Variants in OTOA observed in about 807,000 individuals in gnomAD.
OTOA encodes the protein cancer/testis antigen 108.
A neutral mutation model predicts 110.8 loss-of-function variants in OTOA; 70 were observed. The ratio of observed to expected loss-of-function variants is 0.63; its 90% CI spans 0.52 to 0.77. OTOA has a LOEUF of 0.77. OTOA is among the 30% of genes least tolerant of loss of function. OTOA has a pLI of 0.00. For missense variants in OTOA, 917 were observed against 1,075.8 expected (o/e 0.85, Z 2.06); for synonymous variants, 373 against 431.5 (o/e 0.86, Z 1.68).
At chr16:21,733,668 G>C (rs1489387410) in intron 21 of OTOA, among the ~76,000 whole-genome samples, 5 of 150,534 alleles carry the variant, frequency 3.3e-5, no homozygotes, top group Non-Finnish European at 5.9e-5. Flanking sequence ...ATTCGTTCTA[G>C]ATGAGAAATG....
intron 5 of OTOA, 35 bp from the exon 6 acceptor site, chr16:21,681,703 C>A: frequency 6.4e-7 from 1 of 1,563,632 alleles, no homozygotes; most frequent in Non-Finnish European, 8.8e-7. Flanking sequence ...GAGAATCTGT[C>A]ATTGTGATCT....
chr16:21,685,147 C>G (rs946322290), intron 6 of OTOA, 83 bp from the exon 7 acceptor site: 8 of 1,564,846 alleles, frequency 5.1e-6, no homozygotes, highest in Non-Finnish European at 7.0e-6. Flanking sequence ...ATGAGGGGGC[C>G]GGGCTGGGCC....
chr16:21,736,567 A>G (rs1161819042), intron 22 of OTOA, among the ~76,000 whole-genome samples, 177 bp downstream of exon 22: 1 of 152,258 alleles, frequency 6.6e-6, no homozygotes, highest in Admixed American at 6.5e-5. Flanking sequence ...GCGGTTGCTC[A>G]AGCCTGTAAT....
At chr16:21,700,259 A>C (rs1200130784) in intron 10 of OTOA, among the ~76,000 whole-genome samples, 1 of 152,240 alleles carries the variant, frequency 6.6e-6, no homozygotes, top group East Asian at 1.9e-4. Flanking sequence ...TCTTCAAAGC[A>C]GAAAGTTTGT....
At chr16:21,717,101 G>C in intron 15 of OTOA, 54 bp downstream of exon 15, 1 of 1,604,490 alleles carries the variant, frequency 6.2e-7, no homozygotes, top group Non-Finnish European at 8.5e-7. Flanking sequence ...TGTCTTGTGA[G>C]AATGAATGGT....
At chr16:21,698,427 C>T (rs1897986873) in intron 10 of OTOA, among the ~76,000 whole-genome samples, 1 of 152,088 alleles carries the variant, frequency 6.6e-6, no homozygotes, top group African/African-American at 2.4e-5. Flanking sequence ...TGATGTTGAC[C>T]CAATGACACT....
intron 1 of OTOA, among the ~76,000 whole-genome samples, chr16:21,668,478 G>T (rs1277563626): frequency 2.7e-5 from 3 of 111,656 alleles, no homozygotes; most frequent in African/African-American, 7.5e-5. Context: ...TTTTTTTTTG[G>T]AGACAGAGTT....
At chr16:21,729,131 C>T (rs1168640498) in intron 20 of OTOA, among the ~76,000 whole-genome samples, 2 of 151,834 alleles carry the variant, frequency 1.3e-5, no homozygotes, top group African/African-American at 4.8e-5. Context: ...CCTCCCTGGG[C>T]TCAGGTGATC....
chr16:21,669,774 C>G (rs1966846674), intron 1 of OTOA, among the ~76,000 whole-genome samples: 1 of 152,168 alleles, frequency 6.6e-6, no homozygotes, highest in Non-Finnish European at 1.5e-5. Flanking sequence ...CCTGCTACAG[C>G]CATTGTTCCA....
chr16:21,685,141 G>C lies in OTOA; in HGVS notation c.268-89G>C, dbSNP rs1057497173. ...TAGTTGTGGTCTCTGCAGGGAATGA[G>C]GGGGCCGGGCTGGGCCGCTGGCCAT... On this transcript the variant is annotated intron_variant, in intron 6 of 28. Coordinates refer to ENST00000646100, the MANE Select transcript of OTOA (RefSeq NM_144672.4). 96 of 1,544,934 alleles carry C rather than the reference G, an allele frequency of 6.2e-5. No homozygotes were observed. In the Middle Eastern group the frequency reaches 2.1e-3, roughly 34 times the overall value.
Position 21,735,872 on chromosome 16 carries a change from G to A in OTOA, c.2302-389G>A, listed in dbSNP as rs1597856216. On this transcript the variant is annotated intron_variant, in intron 21 of 28. Coordinates refer to ENST00000646100, the MANE Select transcript of OTOA (RefSeq NM_144672.4). ...ACCTCCCAAAATGCTGGGATTACAG[G>A]TATGAGCCACCACACCTCGCCTAAC... is the stretch of plus-strand genomic sequence containing the variant. Among the ~76,000 whole-genome samples, 3 of 152,262 alleles carry A rather than the reference G, an allele frequency of 2.0e-5. No individual in the cohort carries two copies. The South Asian group carries it at 6.2e-4, about 32-fold the overall frequency.
chr16:21,695,896 T>A (rs1318354812), intron 9 of OTOA, among the ~76,000 whole-genome samples: 179 of 116,868 alleles, frequency 1.5e-3, no homozygotes, highest in East Asian at 0.012. Flanking sequence ...TATATATTTT[T>A]TTTTTTTTTT....
rs117553471 is a variant in OTOA, at chr16:21,678,904, C to A, written c.92-11C>A. The A allele has an allele frequency of 5.4e-3, 8,761 of 1,612,590 alleles. 292 individuals carry two copies. The East Asian group carries it at 0.068, about 13-fold the overall frequency. On this transcript the variant is annotated splice_polypyrimidine_tract_variant and intron_variant, in intron 2 of 28. Transcript: ENST00000646100. ...TCAATTCTAGTTATACATTCAATGG[C>A]TTTCTTACAGATTTGCATCCATTGT...
At position 21,678,534 on chromosome 16, in the gene OTOA, CAT is replaced by C. The variant is rs1223258366; in HGVS notation, c.22_23del (p.Tyr8LeufsTer59). ...AGGAGAATGTCTCAGGAACCTACGACATACTCCCTTTTCCTATTCCTTTTTCT... is the reference window on the plus strand; with the variant it reads ...AGGAGAATGTCTCAGGAACCTACGACACTCCCTTTTCCTATTCCTTTTTCT... On this transcript the variant is annotated frameshift_variant, in exon 2 of 29. Coordinates refer to ENST00000646100, the MANE Select transcript of OTOA (RefSeq NM_144672.4). LOFTEE classifies it high-confidence loss of function. The C allele has an allele frequency of 5.6e-6, 9 of 1,613,632 alleles. No individual in the cohort carries two copies. Among genetic ancestry groups the C allele is most frequent in the Non-Finnish European group, 6.8e-6 (8 of 1,179,908 alleles).
chr16:21,692,068 T>C (rs997061991), intron 9 of OTOA, among the ~76,000 whole-genome samples: 9 of 152,356 alleles, frequency 5.9e-5, no homozygotes, highest in Middle Eastern at 3.4e-3. Context: ...GGCTCACGCC[T>C]GTAATCCCAG....
rs1242524544 is a variant in OTOA, at chr16:21,697,805, A to C, written c.770A>C (p.His257Pro). Residue 257 changes from histidine to proline, a missense_variant, in exon 10 of 29, where the codon CAC becomes CCC. By Grantham distance (77) the His-to-Pro change is moderately conservative. This residue lies in a region of OTOA where 840 missense variants were observed against 910.2 expected (regional missense o/e 0.92). Coordinates refer to ENST00000646100, the MANE Select transcript of OTOA (RefSeq NM_144672.4). ...DDSASWVSAEHLWVLGRYMVH... is the reference protein window; with the variant it reads ...DDSASWVSAEPLWVLGRYMVH... Reference sequence around the variant, plus strand: ...TCTGCTTCATGGGTCAGTGCGGAACACTTATGGGTTTTGGGCAGATACATG... The same window carrying C: ...TCTGCTTCATGGGTCAGTGCGGAACCCTTATGGGTTTTGGGCAGATACATG... 1 of 1,614,106 alleles carries C rather than the reference A, an allele frequency of 6.2e-7. No individual in the cohort carries two copies. Among genetic ancestry groups the C allele is most frequent in the Non-Finnish European group, 8.5e-7 (1 of 1,180,002 alleles).
intron 7 of OTOA, among the ~76,000 whole-genome samples, chr16:21,685,888 G>C (rs1400322742): frequency 6.6e-6 from 1 of 152,026 alleles, no homozygotes; most frequent in African/African-American, 2.4e-5. Flanking sequence ...AGAAATGACG[G>C]GTCCTAATTA....
intron 9 of OTOA, among the ~76,000 whole-genome samples, chr16:21,695,899 T>A (rs1299375679): frequency 1.7e-4 from 17 of 100,066 alleles, no homozygotes; most frequent in Non-Finnish European, 2.4e-4. Context: ...ATATTTTTTT[T>A]TTTTTTTTTT....
At chr16:21,731,622 G>A (rs1464407383) in intron 21 of OTOA, among the ~76,000 whole-genome samples, 6 of 152,218 alleles carry the variant, frequency 3.9e-5, no homozygotes, top group African/African-American at 1.4e-4. Flanking sequence ...TTGGCACGCT[G>A]TCACTTCTGC....
Sources: allele counts gnomAD v4.1 joint callset (sites outside exome capture counted in the v4.1 genomes callset), GRCh38; gene constraint gnomAD v4.1.1; regional missense constraint gnomAD v4.1.1; transcripts MANE v1.5; gene names NCBI Gene and HGNC (gene_info 2026-07-23, HGNC 2026-07-21).